DNAJC5B: variants seen among roughly 807,000 people sequenced by gnomAD.
DNAJC5B encodes the protein DnaJ heat shock protein family (Hsp40) member C5 beta.
DNAJC5B carries 23 observed loss-of-function variants against 24.7 expected under a neutral mutation model. That is an observed-to-expected ratio of 0.93 (90% CI 0.67 to 1.32). The LOEUF is 1.32. Among genes scored for constraint, DNAJC5B ranks in the 40% most tolerant of loss-of-function variants. The probability of loss-of-function intolerance (pLI) is 0.00; values close to 1 mark genes in which losing one functional copy is unlikely to be tolerated. For synonymous variants in DNAJC5B, 101 were observed against 90.1 expected (o/e 1.12, Z -0.68); for missense variants, 238 against 240.8 (o/e 0.99, Z 0.08).
At chr8:66,039,909 G>C (rs1015498004) in intron 1 of DNAJC5B, among the ~76,000 whole-genome samples, 1 of 152,122 alleles carries the variant, frequency 6.6e-6, no homozygotes, top group East Asian at 1.9e-4. Context: ...TCCCATTTTG[G>C]GGGGCAGGGA....
intron 1 of DNAJC5B, among the ~76,000 whole-genome samples, chr8:66,036,710 C>T (rs1806493315): frequency 6.6e-6 from 1 of 152,140 alleles, no homozygotes; most frequent in South Asian, 2.1e-4. Flanking sequence ...AATGGTGGGT[C>T]GGCCTTGCTT....
chr8:66,100,008 C>A lies in DNAJC5B; in HGVS notation c.577C>A (p.Arg193=). The change falls in exon 6 of 6, where the codon CGA becomes AGA. Residue 193 remains arginine (R), a synonymous_variant. Coordinates refer to ENST00000276570, the MANE Select transcript of DNAJC5B (RefSeq NM_033105.6). ...AACACAGCTAATCAAAGAAGGATCT[C>A]GAAGTTATTGCACAGACTCTTGATA... ...EKTQLIKEGS[R]SYCTDS The A allele has an allele frequency of 6.2e-7, 1 of 1,613,928 alleles. No homozygotes were observed. The highest frequency in any genetic ancestry group is 1.1e-5 in the South Asian group (1 of 91,056).
chr8:66,083,799 A>G (rs1311440278), intron 5 of DNAJC5B, among the ~76,000 whole-genome samples: 2 of 152,192 alleles, frequency 1.3e-5, no homozygotes, highest in Non-Finnish European at 2.9e-5. Flanking sequence ...ACCTATCCCT[A>G]ACTCTTTATC....
Position 66,076,886 on chromosome 8 carries a change from T to G in DNAJC5B, c.333+13T>G, listed in dbSNP as rs763807661. 1 of 1,613,826 alleles carries G rather than the reference T, an allele frequency of 6.2e-7. No homozygotes were observed. Among genetic ancestry groups the G allele is most frequent in the South Asian group, 1.1e-5 (1 of 91,078 alleles). On this transcript the variant is annotated intron_variant, in intron 4 of 5. Coordinates refer to ENST00000276570, the MANE Select transcript of DNAJC5B (RefSeq NM_033105.6). ...CTGGTGGGCAAAGGTGAAACTGAAT[T>G]TCCTTTCTTCACAATCTCCTGTAAG...
chr8:66,018,826 T>C (rs1017913904), upstream of DNAJC5B, among the ~76,000 whole-genome samples: 6 of 152,182 alleles, frequency 3.9e-5, no homozygotes, highest in Non-Finnish European at 7.3e-5. Flanking sequence ...GGAATTTAAG[T>C]GTTGACAAAA....
chr8:66,070,770 C>G (rs1394828129), intron 3 of DNAJC5B, among the ~76,000 whole-genome samples: 1 of 152,162 alleles, frequency 6.6e-6, no homozygotes, highest in Non-Finnish European at 1.5e-5. Flanking sequence ...AAGAACAAAG[C>G]TGGAGGCATC....
intron 1 of DNAJC5B, among the ~76,000 whole-genome samples, chr8:66,026,488 G>A (rs1274804320): frequency 6.6e-6 from 1 of 152,240 alleles, no homozygotes; most frequent in Admixed American, 6.5e-5. Context: ...AAAGCAAAAG[G>A]AAGCTACCTC....
At chr8:66,049,915 A>G (rs1806810020) in intron 2 of DNAJC5B, among the ~76,000 whole-genome samples, 1 of 152,242 alleles carries the variant, frequency 6.6e-6, no homozygotes, top group South Asian at 2.1e-4. Flanking sequence ...TTTATGACAT[A>G]GATGATGAAG....
chr8:66,028,980 T>A (rs535361781), intron 1 of DNAJC5B, among the ~76,000 whole-genome samples: 1 of 152,310 alleles, frequency 6.6e-6, no homozygotes, highest in East Asian at 1.9e-4. Flanking sequence ...CTTCCCCACC[T>A]CTTATGCACC....
rs761999386 is a variant in DNAJC5B at position 66,051,614 on chromosome 8, A to G, written c.67A>G (p.Ile23Val). The G allele has an allele frequency of 6.2e-7, 1 of 1,614,156 alleles. No homozygotes were observed. Among genetic ancestry groups the G allele is most frequent in the Admixed American group, 1.7e-5 (1 of 60,010 alleles). The change falls in exon 3 of 6, where the codon ATT (isoleucine) becomes GTT (valine). Residue 23 changes from isoleucine (I) to valine (V), a missense_variant. Ile to Val is a conservative substitution (Grantham distance 29). Transcript: ENST00000276570. Reference sequence around the variant, plus strand: ...AACAACAGGAGAAGCTCTATACGAAATTCTTGGTCTGCATAAGGGAGCATC... The same window carrying G: ...AACAACAGGAGAAGCTCTATACGAAGTTCTTGGTCTGCATAAGGGAGCATC... ...LSTTGEALYE[I>V]LGLHKGASNE...
At chr8:66,054,378 G>A (rs947103204) in intron 3 of DNAJC5B, among the ~76,000 whole-genome samples, 5 of 152,088 alleles carry the variant, frequency 3.3e-5, no homozygotes, top group East Asian at 1.9e-4. Flanking sequence ...AATATTCACC[G>A]TATCTTCTTC....
At chr8:66,097,538 G>T (rs1036929177) in intron 5 of DNAJC5B, among the ~76,000 whole-genome samples, 9 of 146,598 alleles carry the variant, frequency 6.1e-5, no homozygotes, top group East Asian at 4.0e-4. Flanking sequence ...TATTTTCTGG[G>T]TTTTTTTTTC....
At chr8:66,051,384 C>A (rs892107057) in intron 2 of DNAJC5B, 147 bp from the exon 3 acceptor site, 2 of 602,232 alleles carry the variant, frequency 3.3e-6, no homozygotes, top group Admixed American at 3.0e-5. Context: ...TTTTGGCTCT[C>A]CTAACCCTTT....
Position 66,056,813 on chromosome 8 carries a change from C to CTAT in DNAJC5B, c.119+5147_119+5148insTAT, listed in dbSNP as rs1326805342. The stretch of plus-strand genomic sequence containing the variant: ...CAGCTAACTCCTGTGCTGAGATGAA[C>CTAT]CAGATGTTGGAACTATCTGAAAAGC... On this transcript the variant is annotated intron_variant, in intron 3 of 5. Transcript: ENST00000276570. 3.3e-5 allele frequency: 5 copies of CTAT among 152,222 alleles called. No individual in the cohort carries two copies. In the East Asian group the frequency reaches 9.6e-4, roughly 29 times the overall value. 9.4% of individuals were successfully genotyped at this position (152,222 alleles called of 1,614,324 possible).
chr8:66,019,461 T>C (rs1204071745), upstream of DNAJC5B, among the ~76,000 whole-genome samples: 1 of 152,244 alleles, frequency 6.6e-6, no homozygotes, highest in African/African-American at 2.4e-5. Context: ...TTTTATTAAA[T>C]CAGTCATATG....
At chr8:66,035,354 T>C (rs918873485) in intron 1 of DNAJC5B, among the ~76,000 whole-genome samples, 1 of 152,256 alleles carries the variant, frequency 6.6e-6, no homozygotes, top group African/African-American at 2.4e-5. Context: ...GGATGTGGCC[T>C]TATTTCAAAG....
At chr8:66,091,843 T>C (rs1248387696) in intron 5 of DNAJC5B, among the ~76,000 whole-genome samples, 1 of 152,008 alleles carries the variant, frequency 6.6e-6, no homozygotes, top group Non-Finnish European at 1.5e-5. Flanking sequence ...AGGAATGAGG[T>C]ACTGATACAT....
At position 66,064,148 on chromosome 8, in the gene DNAJC5B, A is replaced by T. The variant is rs557022598; in HGVS notation, c.119+12482A>T. On this transcript the variant is annotated intron_variant, in intron 3 of 5. Coordinates refer to ENST00000276570, the MANE Select transcript of DNAJC5B (RefSeq NM_033105.6). The stretch of plus-strand genomic sequence containing the variant: ...GTCAGTGAGACTGCCAGTCTAGAAA[A>T]ATAGGTCCTATTAGGTTTAAAAAGT... Among the ~76,000 whole-genome samples, 6 of 152,324 alleles carry T rather than the reference A, an allele frequency of 3.9e-5. No homozygotes were observed. The South Asian group carries it at 1.2e-3, about 32-fold the overall frequency.
At chr8:66,047,621 C>T (rs1025877241) in intron 2 of DNAJC5B, among the ~76,000 whole-genome samples, 12 of 152,200 alleles carry the variant, frequency 7.9e-5, no homozygotes, top group African/African-American at 2.9e-4. Flanking sequence ...CATTCTGGTG[C>T]ATAGGAGGGG....
Sources: allele counts gnomAD v4.1 joint callset (sites outside exome capture counted in the v4.1 genomes callset), GRCh38; gene constraint gnomAD v4.1.1; transcripts MANE v1.5; gene names NCBI Gene and HGNC (gene_info 2026-07-23, HGNC 2026-07-21).